FAM171A1: variants seen among roughly 807,000 people sequenced by gnomAD.
FAM171A1 encodes protein FAM171A1.
In FAM171A1, 23 loss-of-function variants were observed where a neutral mutation model predicts 74.9. That is an observed-to-expected ratio of 0.31 (90% confidence interval 0.22 to 0.44). FAM171A1 has a LOEUF of 0.44. Among genes scored for constraint, FAM171A1 ranks in the 20% least tolerant of loss-of-function variants. The pLI is 1.00. For missense variants in FAM171A1, 1,162 were observed against 1,159.2 expected, an observed-to-expected ratio of 1.00 and a Z score of -0.03; for synonymous variants, 527 against 505.7, an observed-to-expected ratio of 1.04 and a Z score of -0.57.
At chr10:15,230,340 G>C (rs1834189274) in intron 5 of FAM171A1, among the ~76,000 whole-genome samples, 1 of 152,142 alleles carries the variant, frequency 6.6e-6, no homozygotes, top group African/African-American at 2.4e-5. Flanking sequence ...TAATTATATA[G>C]CAAAGTATTT....
At chr10:15,261,226 G>A (rs1480305242) in intron 3 of FAM171A1, among the ~76,000 whole-genome samples, 1 of 152,232 alleles carries the variant, frequency 6.6e-6, no homozygotes, top group Non-Finnish European at 1.5e-5. Context: ...ACCAAGGGTT[G>A]CCACCTGAAG....
In FAM171A1 at chr10:15,322,545, C is replaced by T. The variant is rs151296099; in HGVS notation, c.98-38440G>A. The stretch of plus-strand genomic sequence containing the variant: ...CCCCCAAAAGGACACTGCATGCATT[C>T]AGCTGCACTGATCTCCAGCTGGTAC... On this transcript the variant is annotated intron_variant, in intron 1 of 7. Transcript: ENST00000378116. Among the ~76,000 whole-genome samples, 856 of 152,296 alleles carry T rather than the reference C, an allele frequency of 5.6e-3. 8 individuals are homozygous for T. Among genetic ancestry groups the T allele is most frequent in the African/African-American group, 0.019 (798 of 41,566 alleles).
At position 15,339,949 on chromosome 10, in the gene FAM171A1, T is replaced by A. The variant is rs528193878; in HGVS notation, c.97+31007A>T. ...AAAGGGGTTTCTCCTTATAAAACCA[T>A]CAGATCTCGTGAGACTTATGCACTA... On this transcript the variant is annotated intron_variant, in intron 1 of 7. Coordinates refer to ENST00000378116, the MANE Select transcript of FAM171A1 (RefSeq NM_001010924.2). Among the ~76,000 whole-genome samples, 6 of 152,168 alleles carry A rather than the reference T, an allele frequency of 3.9e-5. No individual in the cohort carries two copies. In the East Asian group the frequency reaches 9.7e-4, roughly 25 times the overall value.
chr10:15,268,773 G>C (rs185790347), intron 3 of FAM171A1, among the ~76,000 whole-genome samples: 6 of 152,316 alleles, frequency 3.9e-5, no homozygotes, highest in Admixed American at 6.5e-5. Context: ...GTTGGGCCAG[G>C]CATGGTGCCT....
At position 15,212,312 on chromosome 10, in the gene FAM171A1, G is replaced by A. The variant is rs1456498177; in HGVS notation, c.*603C>T. 6.5e-6 allele frequency: 1 copy of A among 155,014 alleles called. No homozygotes were observed. The highest frequency in any genetic ancestry group is 1.9e-4 in the East Asian group (1 of 5,206). 9.6% of individuals were successfully genotyped at this position (155,014 alleles called of 1,614,324 possible). A position where few individuals can be genotyped will look rare whatever the true frequency, so the allele number is the denominator to read the frequency against. On this transcript the variant is annotated 3_prime_UTR_variant, in exon 8 of 8. Coordinates refer to ENST00000378116, the MANE Select transcript of FAM171A1 (RefSeq NM_001010924.2). ...CGCTGAGATGGACCGCTGAGAAGCG[G>A]AACAGATGAACACAAAGGAATCAAA...
Position 15,214,032 on chromosome 10 carries a change from A to C in FAM171A1, c.1556T>G (p.Leu519Arg). The C allele has an allele frequency of 6.2e-7, 1 of 1,614,188 alleles. No homozygotes were observed. Among genetic ancestry groups the C allele is most frequent in the Non-Finnish European group, 8.5e-7 (1 of 1,180,024 alleles). The change falls in exon 8 of 8, where the codon CTG becomes CGG. Residue 519 changes from leucine (L) to arginine (R), a missense_variant. Physicochemically the swap from Leu to Arg is moderately radical, Grantham distance 102. Transcript: ENST00000378116. The part of the protein sequence containing the change: ...TGSKLTIQEH[L>R]YPAPSSPEKE... ...CTCAGGTGATGAAGGCGCGGGGTAC[A>C]GATGTTCCTGAATGGTGAGTTTGCT...
In FAM171A1 at chr10:15,290,677, C is replaced by T. The variant is rs543157599; in HGVS notation, c.98-6572G>A. Among the ~76,000 whole-genome samples the T allele has an allele frequency of 1.4e-4, 22 of 152,236 alleles. No homozygotes were observed. In the South Asian group the frequency reaches 4.4e-3, roughly 30 times the overall value. On this transcript the variant is annotated intron_variant, in intron 1 of 7. Transcript: ENST00000378116. The stretch of plus-strand genomic sequence containing the variant: ...GAAAACTGGGTGACACAAGGCAGAA[C>T]GGGGAACCTATTTTCAACTGGGTGG...
chr10:15,229,451 CCATCATTGTCACCAT>C (rs1834155533), intron 5 of FAM171A1, among the ~76,000 whole-genome samples: 2 of 148,716 alleles, frequency 1.3e-5, no homozygotes, highest in South Asian at 2.1e-4. Flanking sequence ...ATCGTCACCA[CCATCATTGTCACCAT>C]CATCACCATT....
chr10:15,224,829 A>G (rs1394163280), intron 5 of FAM171A1, among the ~76,000 whole-genome samples: 1 of 152,230 alleles, frequency 6.6e-6, no homozygotes, highest in African/African-American at 2.4e-5. Context: ...GCGTGAAAAC[A>G]GACTAATACA....
chr10:15,215,010 C>T (rs1019337633), intron 7 of FAM171A1, among the ~76,000 whole-genome samples: 2 of 152,102 alleles, frequency 1.3e-5, no homozygotes, highest in African/African-American at 4.8e-5. Flanking sequence ...AATCCTCCCC[C>T]TTCAGCCTCC....
At chr10:15,303,341 G>T (rs866685087) in intron 1 of FAM171A1, among the ~76,000 whole-genome samples, 2 of 152,088 alleles carry the variant, frequency 1.3e-5, no homozygotes, top group East Asian at 3.9e-4. Context: ...ATCTATGGGG[G>T]AATAAATAAC....
At chr10:15,215,841 C>T (rs1036444728) in intron 7 of FAM171A1, among the ~76,000 whole-genome samples, 155 bp downstream of exon 7, 3 of 151,962 alleles carry the variant, frequency 2.0e-5, no homozygotes, top group Non-Finnish European at 2.9e-5. Context: ...CAACTTAGAT[C>T]ACAAATGTGA....
chr10:15,344,871 TA>T (rs1260883421), intron 1 of FAM171A1, among the ~76,000 whole-genome samples: 20 of 152,344 alleles, frequency 1.3e-4, no homozygotes, highest in African/African-American at 4.1e-4. Context: ...TTCATAGGCA[TA>T]GGGGCCACCT....
chr10:15,251,914 G>C (rs1393399322), intron 4 of FAM171A1, among the ~76,000 whole-genome samples: 1 of 152,160 alleles, frequency 6.6e-6, no homozygotes, highest in Non-Finnish European at 1.5e-5. Flanking sequence ...TTGCGGGGCA[G>C]AACACCACTG....
intron 5 of FAM171A1, among the ~76,000 whole-genome samples, chr10:15,225,797 C>A (rs1035452765): frequency 6.6e-6 from 1 of 152,134 alleles, no homozygotes; most frequent in South Asian, 2.1e-4. Flanking sequence ...CTGCACGAAC[C>A]AAAGAAAGCT....
At chr10:15,324,152 A>C (rs543729190) in intron 1 of FAM171A1, among the ~76,000 whole-genome samples, 1 of 152,314 alleles carries the variant, frequency 6.6e-6, no homozygotes, top group South Asian at 2.1e-4. Context: ...TTAGGATGGA[A>C]ATTAACATTC....
chr10:15,334,773 G>A (rs1490212764), intron 1 of FAM171A1, among the ~76,000 whole-genome samples: 1 of 152,162 alleles, frequency 6.6e-6, no homozygotes, highest in African/African-American at 2.4e-5. Context: ...ACTATCTTGA[G>A]TCTCCAAAAT....
chr10:15,214,519 T>G lies in FAM171A1; in HGVS notation c.1069A>C (p.Thr357Pro). 6.2e-7 allele frequency: 1 copy of G among 1,614,250 alleles called. No homozygotes were observed. The highest frequency in any genetic ancestry group is 8.5e-7 in the Non-Finnish European group (1 of 1,180,050). ...GLESSKRDQSTSMSHINLLFS... is the reference protein window; with the variant it reads ...GLESSKRDQSPSMSHINLLFS... ...AGCAAGTTAATGTGTGACATGGACG[T>G]GGACTGGTCTCTTTTGGAACTCTCC... The change falls in exon 8 of 8, where the codon ACG becomes CCG. Residue 357 changes from threonine to proline, a missense_variant. Coordinates refer to ENST00000378116, the MANE Select transcript of FAM171A1 (RefSeq NM_001010924.2).
intron 1 of FAM171A1, among the ~76,000 whole-genome samples, chr10:15,308,359 G>C (rs1835321547): frequency 6.6e-6 from 1 of 152,202 alleles, no homozygotes; most frequent in South Asian, 2.1e-4. Context: ...GTTATAAAAG[G>C]AAATCTTGTA....
Sources: allele counts gnomAD v4.1 joint callset (sites outside exome capture counted in the v4.1 genomes callset), GRCh38; gene constraint gnomAD v4.1.1; transcripts MANE v1.5; gene names NCBI Gene and HGNC (gene_info 2026-07-23, HGNC 2026-07-21).